The following RBX1 variants were observed in gnomAD, a reference collection of about 807,000 sequenced individuals.
RBX1 encodes the protein ring-box 1.
For missense variants in RBX1, 46 were observed against 141.4 expected (o/e 0.33, Z 3.42); for synonymous variants, 48 against 47.9 (o/e 1.00, Z -0.01).
At chr22:40,956,122 A>C (rs1285761685) in intron 2 of RBX1, among the ~76,000 whole-genome samples, 1 of 152,032 alleles carries the variant, frequency 6.6e-6, no homozygotes, top group Non-Finnish European at 1.5e-5. Context: ...GAGAGAATGT[A>C]CTTCTTAAAA....
At chr22:40,963,301 C>T (rs565628685) in intron 2 of RBX1, among the ~76,000 whole-genome samples, 1 of 152,058 alleles carries the variant, frequency 6.6e-6, no homozygotes, top group Non-Finnish European at 1.5e-5. Context: ...GAATATTTAT[C>T]CCCAGTTGTG....
At chr22:40,951,898 C>T (rs1053246429) in intron 1 of RBX1, among the ~76,000 whole-genome samples, 3 of 152,038 alleles carry the variant, frequency 2.0e-5, no homozygotes, top group Non-Finnish European at 2.9e-5. Flanking sequence ...GGTCCTACCG[C>T]ATTAGAGGCC....
intron 1 of RBX1, among the ~76,000 whole-genome samples, chr22:40,953,333 C>T (rs1569041845): frequency 6.6e-6 from 1 of 152,108 alleles, no homozygotes; most frequent in Non-Finnish European, 1.5e-5. Flanking sequence ...TAAAAGATGA[C>T]ATTAATTTCT....
intron 4 of RBX1, among the ~76,000 whole-genome samples, chr22:40,970,071 AAAG>A (rs1329526465): frequency 6.6e-6 from 1 of 150,622 alleles, no homozygotes; most frequent in African/African-American, 2.4e-5. Flanking sequence ...AAAAAAAAAA[AAAG>A]CCCAGGTGTA....
At chr22:40,951,646 G>C (rs1391066859) in intron 1 of RBX1, among the ~76,000 whole-genome samples, 170 bp downstream of exon 1, 2 of 152,284 alleles carry the variant, frequency 1.3e-5, no homozygotes, top group Admixed American at 1.3e-4. Context: ...TCGGCGTGAC[G>C]GCGGCCCACT....
rs1004664488 is a variant in RBX1, at chr22:40,972,725, A to T, written c.*237A>T. ...CATAAATGAAGAGTCTCCCCTTCCA[A>T]GGCTGAAAACTCAGCTTTTGAAAGT... is the stretch of plus-strand genomic sequence containing the variant. On this transcript the variant is annotated 3_prime_UTR_variant, in exon 5 of 5. Coordinates refer to ENST00000216225, the MANE Select transcript of RBX1 (RefSeq NM_014248.4). 18 of 471,488 alleles carry T rather than the reference A, an allele frequency of 3.8e-5. No homozygotes were observed. The highest frequency in any genetic ancestry group is 6.9e-5 in the Admixed American group (2 of 28,976). The allele number at this position is 471,488 out of a possible 1,614,324, so 29.2% of individuals were successfully genotyped here. A position where few individuals can be genotyped will look rare whatever the true frequency, so the allele number is the denominator to read the frequency against.
chr22:40,958,455 C>A (rs570617732), intron 2 of RBX1, among the ~76,000 whole-genome samples: 3 of 152,168 alleles, frequency 2.0e-5, no homozygotes, highest in Admixed American at 6.5e-5. Flanking sequence ...TCTTGTCTGA[C>A]CTTAAATGAG....
chr22:40,956,325 A>G (rs2058325176), intron 2 of RBX1, among the ~76,000 whole-genome samples: 1 of 151,982 alleles, frequency 6.6e-6, no homozygotes, highest in East Asian at 1.9e-4. Flanking sequence ...TATTTATCCA[A>G]TGAATATATC....
chr22:40,954,438 A>G (rs2058319616), intron 2 of RBX1, among the ~76,000 whole-genome samples: 2 of 152,220 alleles, frequency 1.3e-5, no homozygotes, highest in Non-Finnish European at 2.9e-5. Context: ...TTTCATTTAA[A>G]TCTCCACATA....
chr22:40,952,364 G>A (rs754404072), intron 1 of RBX1, among the ~76,000 whole-genome samples: 4 of 152,136 alleles, frequency 2.6e-5, no homozygotes, highest in Non-Finnish European at 1.5e-5. Flanking sequence ...TCTAAAATAG[G>A]GAAGATATTC....
intron 2 of RBX1, among the ~76,000 whole-genome samples, chr22:40,955,176 T>C (rs111736209): frequency 0.018 from 2,752 of 152,316 alleles, 46 homozygotes; most frequent in Non-Finnish European, 0.028. Context: ...ACCTCTTCTC[T>C]TCCTTGGTTT....
At chr22:40,951,868 G>T (rs2058311859) in intron 1 of RBX1, among the ~76,000 whole-genome samples, 1 of 152,064 alleles carries the variant, frequency 6.6e-6, no homozygotes, top group South Asian at 2.1e-4. Flanking sequence ...GGGGCAGTGC[G>T]GCGAGAGCCT....
chr22:40,951,787 G>T (rs1260268003), intron 1 of RBX1, among the ~76,000 whole-genome samples: 1 of 151,386 alleles, frequency 6.6e-6, no homozygotes, highest in Non-Finnish European at 1.5e-5. Context: ...TTGAGAGGTG[G>T]GGGAAGGACA....
intron 1 of RBX1, among the ~76,000 whole-genome samples, chr22:40,952,014 C>G (rs555847238): frequency 2.5e-4 from 38 of 151,904 alleles, no homozygotes; most frequent in African/African-American, 9.0e-4. Flanking sequence ...GAACCGAGGC[C>G]TCACACTGCC....
At chr22:40,963,724 C>A (rs534408647) in intron 2 of RBX1, among the ~76,000 whole-genome samples, 2 of 152,186 alleles carry the variant, frequency 1.3e-5, no homozygotes, top group Admixed American at 6.5e-5. Context: ...TGGCACGCAC[C>A]TGTAGTCCCA....
chr22:40,958,332 G>A (rs1015317638), intron 2 of RBX1, among the ~76,000 whole-genome samples: 2 of 151,636 alleles, frequency 1.3e-5, no homozygotes, highest in Non-Finnish European at 2.9e-5. Flanking sequence ...GATTTATATG[G>A]GAAAAGAACT....
intron 2 of RBX1, among the ~76,000 whole-genome samples, chr22:40,959,081 G>T (rs925582551): frequency 6.6e-6 from 1 of 152,198 alleles, no homozygotes; most frequent in Admixed American, 6.5e-5. Flanking sequence ...CTCCCAAAGT[G>T]CTGGGATTAC....
At chr22:40,972,317 C>T (rs2058371320) in intron 4 of RBX1, among the ~76,000 whole-genome samples, 159 bp from the exon 5 acceptor site, 1 of 152,238 alleles carries the variant, frequency 6.6e-6, no homozygotes, top group African/African-American at 2.4e-5. Flanking sequence ...AGGGGAATCA[C>T]AGCGACAGCC....
intron 2 of RBX1, among the ~76,000 whole-genome samples, chr22:40,956,966 C>T (rs373675288): frequency 1.3e-5 from 2 of 151,912 alleles, no homozygotes; most frequent in Non-Finnish European, 2.9e-5. Flanking sequence ...ACCCAGGAGG[C>T]GGAGGTTGCA....
Sources: allele counts gnomAD v4.1 joint callset (sites outside exome capture counted in the v4.1 genomes callset), GRCh38; gene constraint gnomAD v4.1.1; transcripts MANE v1.5; gene names NCBI Gene and HGNC (gene_info 2026-07-23, HGNC 2026-07-21).